Variants in STAB2 observed in about 807,000 individuals in gnomAD.
STAB2 encodes stabilin 2, also known as stabilin-2.
STAB2 carries 288 observed loss-of-function variants against 338.1 expected under a neutral mutation model. The observed-to-expected ratio is 0.85, with a 90% CI of 0.77 to 0.94. The LOEUF (loss-of-function observed/expected upper bound fraction) is 0.94. STAB2 is among the 40% of genes least tolerant of loss of function. The probability of loss-of-function intolerance (pLI) is 0.00; values close to 1 mark genes in which losing one functional copy is unlikely to be tolerated. For synonymous variants in STAB2, 1,202 were observed against 1,193.3 expected (o/e 1.01, Z -0.15); for missense variants, 3,141 against 3,210.1 (o/e 0.98, Z 0.52).
At chr12:103,687,841 G>T (rs150132457) in intron 27 of STAB2, among the ~76,000 whole-genome samples, 2 of 152,286 alleles carry the variant, frequency 1.3e-5, no homozygotes, top group Admixed American at 1.3e-4. Flanking sequence ...CCCACTTAGC[G>T]TCTAGGTAGC....
rs376730156 is a variant in STAB2 at position 103,674,127 on chromosome 12, A to G, written c.2552+40A>G. 3 of 1,585,048 alleles carry G rather than the reference A, an allele frequency of 1.9e-6. No homozygotes were observed. In the African/African-American group the frequency reaches 4.0e-5, roughly 21 times the overall value. ...GAATGGCCCTTAATGACGCTGAGTC[A>G]TTAAGTGTAAGGGGATGGCACTTAA... On this transcript the variant is annotated intron_variant, in intron 23 of 68. Transcript: ENST00000388887.
At chr12:103,757,044 T>TTTAA (rs1340204447) in intron 63 of STAB2, among the ~76,000 whole-genome samples, 1 of 144,360 alleles carries the variant, frequency 6.9e-6, no homozygotes, top group Non-Finnish European at 1.5e-5. Flanking sequence ...ATATATATAT[T>TTTAA]AAAGTATGTA....
Position 103,662,883 on chromosome 12 carries a change from T to C in STAB2, c.1907T>C (p.Ile636Thr), listed in dbSNP as rs760490504. The stretch of plus-strand genomic sequence containing the variant: ...GCAAATGATGTGGCAATGGAAGAAA[T>C]TGAGATCACTGCCAAAAATGGCCGA... ...ILANDVAMEE[I>T]EITAKNGRIY... Residue 636 changes from isoleucine (I) to threonine (T), a missense_variant, in exon 18 of 69, where the codon ATT becomes ACT. By Grantham distance (89) the Ile-to-Thr change is moderately conservative. Transcript: ENST00000388887. 4 of 1,614,156 alleles carry C rather than the reference T, an allele frequency of 2.5e-6. No individual in the cohort carries two copies. Among genetic ancestry groups the C allele is most frequent in the Non-Finnish European group, 3.4e-6 (4 of 1,180,024 alleles).
intron 17 of STAB2, 139 bp from the exon 18 acceptor site, chr12:103,662,707 C>T (rs1043630750): frequency 2.7e-5 from 26 of 952,360 alleles, no homozygotes; most frequent in Non-Finnish European, 4.0e-5. Context: ...CTTATAATAG[C>T]AACCTACCCT....
chr12:103,619,899 T>G (rs1048049869), intron 3 of STAB2, among the ~76,000 whole-genome samples: 1 of 152,124 alleles, frequency 6.6e-6, no homozygotes, highest in Non-Finnish European at 1.5e-5. Flanking sequence ...TCCTTTCCTT[T>G]TAAGCATAGC....
intron 8 of STAB2, 27 bp downstream of exon 8, chr12:103,638,239 G>A (rs779396693): frequency 1.0e-5 from 16 of 1,570,126 alleles, no homozygotes; most frequent in Admixed American, 9.2e-5. Flanking sequence ...GGGAACTGAT[G>A]TATCTAGAAG....
rs1210114228 is a variant in STAB2, at chr12:103,668,715, A to G, written c.2158A>G (p.Asn720Asp). The G allele has an allele frequency of 6.5e-7, 1 of 1,547,938 alleles. No individual in the cohort carries two copies. Among genetic ancestry groups the G allele is most frequent in the African/African-American group, 1.4e-5 (1 of 73,126 alleles). The change falls in exon 20 of 69, where the codon AAT becomes GAT. Residue 720 changes from asparagine (N) to aspartate (D), a missense_variant. Coordinates refer to ENST00000388887, the MANE Select transcript of STAB2 (RefSeq NM_017564.10). The stretch of plus-strand genomic sequence containing the variant: ...GAAGAGCGGCTGTGCCCGGTACTGC[A>G]ATGCCACTGTGAAGGTGAGGAGCGC... The part of the protein sequence containing the change: ...SLKSGCARYC[N>D]ATVKIPKCCK...
At chr12:103,688,659 A>G (rs1362110134) in intron 28 of STAB2, among the ~76,000 whole-genome samples, 1 of 152,200 alleles carries the variant, frequency 6.6e-6, no homozygotes, top group African/African-American at 2.4e-5. Flanking sequence ...CTTAAAATAG[A>G]CACATGCCAA....
At chr12:103,599,142 G>T (rs1845373) in intron 3 of STAB2, among the ~76,000 whole-genome samples, 12 of 152,210 alleles carry the variant, frequency 7.9e-5, no homozygotes, top group African/African-American at 2.2e-4. Context: ...CTAGCACTGT[G>T]CACCAAGCTT....
At position 103,614,311 on chromosome 12, in the gene STAB2, T is replaced by C. The variant is rs1158849425; in HGVS notation, c.332-6157T>C. ...GCTGAAGGCATAGAGTGGAGCTCTT[T>C]GAGAATTTTAAGAAGAAATAATATG... On this transcript the variant is annotated intron_variant, in intron 3 of 68. Coordinates refer to ENST00000388887, the MANE Select transcript of STAB2 (RefSeq NM_017564.10). Among the ~76,000 whole-genome samples the C allele has an allele frequency of 2.0e-5, 3 of 152,342 alleles. No individual in the cohort carries two copies. The East Asian group carries it at 5.8e-4, about 29-fold the overall frequency.
chr12:103,664,672 T>G (rs1874919049), intron 18 of STAB2, among the ~76,000 whole-genome samples: 1 of 151,866 alleles, frequency 6.6e-6, no homozygotes, highest in South Asian at 2.1e-4. Flanking sequence ...TTTTACTGAT[T>G]CCTCTTCTTG....
At chr12:103,672,687 G>A (rs1417560127) in intron 22 of STAB2, among the ~76,000 whole-genome samples, 1 of 152,056 alleles carries the variant, frequency 6.6e-6, no homozygotes, top group Non-Finnish European at 1.5e-5. Flanking sequence ...CTTGCCAGGT[G>A]CCTTTGAAAA....
intron 6 of STAB2, 69 bp downstream of exon 6, chr12:103,631,762 G>A (rs1315643367): frequency 2.1e-5 from 31 of 1,488,102 alleles, no homozygotes; most frequent in Admixed American, 1.2e-4. Context: ...TTTCAATTTT[G>A]TATCTGTTAC....
chr12:103,695,596 T>G lies in STAB2; in HGVS notation c.3422T>G (p.Leu1141Arg). ...RRLTGSLPNL[L>R]MRLEQMPDYS... ...CTAACTGGCTCCTTACCAAACCTGC[T>G]CATGCGGCTGGAACAGATGCCTGAC... The change falls in exon 32 of 69, where the codon CTC becomes CGC. Residue 1141 changes from leucine to arginine, a missense_variant. Physicochemically the swap from Leu to Arg is moderately radical, Grantham distance 102 (BLOSUM62 -2). Transcript: ENST00000388887. The G allele has an allele frequency of 1.2e-6, 2 of 1,614,192 alleles. No individual in the cohort carries two copies. Among genetic ancestry groups the G allele is most frequent in the Non-Finnish European group, 1.7e-6 (2 of 1,180,020 alleles).
chr12:103,726,119 C>A lies in STAB2; in HGVS notation c.4807C>A (p.Leu1603Ile), dbSNP rs756685270. 1.7e-5 allele frequency: 27 copies of A among 1,613,772 alleles called. No homozygotes were observed. In the Admixed American group the frequency reaches 4.3e-4, roughly 26 times the overall value. ...FTCRGSIYQE[L>I]PKNPKTSQYF... ...TGAAACTACTCTTTGTTTGCAGGAG[C>A]TTCCCAAGAACCCGAAAACTTCCCA... Residue 1603 changes from leucine to isoleucine, a missense_variant, in exon 46 of 69, where the codon CTT becomes ATT. By Grantham distance (5) the Leu-to-Ile change is conservative. Coordinates refer to ENST00000388887, the MANE Select transcript of STAB2 (RefSeq NM_017564.10).
At chr12:103,681,073 G>A (rs1387957253) in intron 25 of STAB2, among the ~76,000 whole-genome samples, 1 of 152,168 alleles carries the variant, frequency 6.6e-6, no homozygotes, top group Non-Finnish European at 1.5e-5. Flanking sequence ...AAGTCCCATG[G>A]TCTGGTTGTT....
chr12:103,663,947 C>T (rs1422844199), intron 18 of STAB2, among the ~76,000 whole-genome samples: 1 of 152,192 alleles, frequency 6.6e-6, no homozygotes, highest in East Asian at 1.9e-4. Context: ...CACAGCTTTA[C>T]TGTAAGAGGG....
In STAB2 at chr12:103,704,621, A is replaced by G. The variant is rs1388001727; in HGVS notation, c.3900+7A>G. ...ATTCGGAACTAAATCTCTAGTAAGT[A>G]CTTTGTCTGTTTTGATAAAATAGTT... On this transcript the variant is annotated splice_region_variant and intron_variant, in intron 36 of 68. Transcript: ENST00000388887. 3.7e-6 allele frequency: 6 copies of G among 1,613,442 alleles called. No homozygotes were observed. In the Admixed American group the frequency reaches 5.0e-5, roughly 13 times the overall value.
intron 37 of STAB2, among the ~76,000 whole-genome samples, chr12:103,706,519 T>C (rs910262536): frequency 1.2e-4 from 18 of 152,092 alleles, no homozygotes; most frequent in Middle Eastern, 3.4e-3. Flanking sequence ...CCCTCCTCCT[T>C]TCTCATTTTT....
Sources: allele counts gnomAD v4.1 joint callset (sites outside exome capture counted in the v4.1 genomes callset), GRCh38; gene constraint gnomAD v4.1.1; transcripts MANE v1.5; gene names NCBI Gene and HGNC (gene_info 2026-07-23, HGNC 2026-07-21).